Variants in NALF1 observed in about 807,000 individuals in gnomAD.
NALF1 encodes the protein NALCN channel auxiliary factor 1.
A neutral mutation model predicts 48.4 loss-of-function variants in NALF1; 3 were observed. The ratio of observed to expected loss-of-function variants is 0.06; its 90% confidence interval spans 0.03 to 0.16. The LOEUF (loss-of-function observed/expected upper bound fraction) is 0.16. Among genes scored for constraint, NALF1 ranks in the 10% least tolerant of loss-of-function variants. NALF1 has a pLI of 1.00. For synonymous variants in NALF1, 262 were observed against 245.7 expected (o/e 1.07, Z -0.62); for missense variants, 526 against 571.5 (o/e 0.92, Z 0.81).
At chr13:107,833,712 G>C (rs1049638021) in intron 1 of NALF1, among the ~76,000 whole-genome samples, 1 of 152,044 alleles carries the variant, frequency 6.6e-6, no homozygotes, top group Non-Finnish European at 1.5e-5. Flanking sequence ...TTAAAATGTT[G>C]AAAGAAAGGA....
chr13:107,559,335 C>T (rs1006044901), intron 1 of NALF1, among the ~76,000 whole-genome samples: 4 of 151,106 alleles, frequency 2.6e-5, no homozygotes, highest in African/African-American at 9.8e-5. Context: ...ACAATAACAA[C>T]AACAAAACAA....
intron 1 of NALF1, among the ~76,000 whole-genome samples, chr13:107,689,930 G>T (rs1881528335): frequency 6.6e-6 from 1 of 152,106 alleles, no homozygotes; most frequent in Non-Finnish European, 1.5e-5. Context: ...AGCTTAACTT[G>T]CACCTTTTTT....
chr13:107,731,406 A>G (rs913047451), intron 1 of NALF1, among the ~76,000 whole-genome samples: 13 of 152,196 alleles, frequency 8.5e-5, no homozygotes, highest in African/African-American at 2.6e-4. Flanking sequence ...TTATTTTTTA[A>G]CTTTTATTTT....
At chr13:107,725,085 G>A (rs552786914) in intron 1 of NALF1, among the ~76,000 whole-genome samples, 1 of 152,148 alleles carries the variant, frequency 6.6e-6, no homozygotes, top group African/African-American at 2.4e-5. Context: ...AAATACAATT[G>A]ACCGTTGTTT....
intron 1 of NALF1, among the ~76,000 whole-genome samples, chr13:107,311,737 C>G (rs1328306803): frequency 6.6e-6 from 1 of 151,954 alleles, no homozygotes; most frequent in African/African-American, 2.4e-5. Flanking sequence ...AAAAAACAAA[C>G]AACCCCATCA....
chr13:107,796,991 C>T (rs533595614), intron 1 of NALF1, among the ~76,000 whole-genome samples: 92 of 152,252 alleles, frequency 6.0e-4, no homozygotes, highest in African/African-American at 2.0e-3. Flanking sequence ...GCCATTTCCA[C>T]AAATGCATGC....
chr13:107,708,120 G>A (rs1458527759), intron 1 of NALF1, among the ~76,000 whole-genome samples: 3 of 151,924 alleles, frequency 2.0e-5, no homozygotes, highest in African/African-American at 7.3e-5. Context: ...GTAAAAGCAG[G>A]GACCTTTGAA....
chr13:107,520,592 A>G (rs1430835066), intron 1 of NALF1, among the ~76,000 whole-genome samples: 4 of 152,218 alleles, frequency 2.6e-5, no homozygotes, highest in African/African-American at 9.6e-5. Flanking sequence ...CACCCAAATA[A>G]GCTTTCTACA....
At chr13:107,528,253 T>C (rs1457535409) in intron 1 of NALF1, among the ~76,000 whole-genome samples, 1 of 152,088 alleles carries the variant, frequency 6.6e-6, no homozygotes, top group Non-Finnish European at 1.5e-5. Context: ...ATGGGGCCAA[T>C]ATGTTCATGT....
intron 1 of NALF1, among the ~76,000 whole-genome samples, chr13:107,316,987 T>C (rs991311717): frequency 5.3e-5 from 8 of 152,074 alleles, no homozygotes; most frequent in African/African-American, 1.9e-4. Context: ...CTTTAAAAGA[T>C]TTTTAGAAAT....
chr13:107,593,488 T>A (rs905427299), intron 1 of NALF1, among the ~76,000 whole-genome samples: 6 of 151,920 alleles, frequency 3.9e-5, no homozygotes, highest in Non-Finnish European at 8.8e-5. Context: ...CCAGAAGAAA[T>A]AAGCAAGTTT....
Position 107,781,744 on chromosome 13 carries a change from G to A in NALF1, c.915+83938C>T, listed in dbSNP as rs746239375. ...TTTGAGTCAGATGTCACTGCTATAC[G>A]CCTCTAAAAGCTCTATTCTTTGACG... On this transcript the variant is annotated intron_variant, in intron 1 of 2. Transcript: ENST00000375915. Among the ~76,000 whole-genome samples, 115 of 151,284 alleles carry A rather than the reference G, an allele frequency of 7.6e-4. 1 individual carries two copies. The highest frequency in any genetic ancestry group is 1.3e-3 in the Non-Finnish European group (90 of 67,948).
At chr13:107,845,378 A>G (rs1880144187) in intron 1 of NALF1, among the ~76,000 whole-genome samples, 1 of 152,148 alleles carries the variant, frequency 6.6e-6, no homozygotes, top group African/African-American at 2.4e-5. Flanking sequence ...CTGTGGAATG[A>G]GTCTACCTGA....
At chr13:107,425,166 C>G (rs1255984059) in intron 1 of NALF1, among the ~76,000 whole-genome samples, 1 of 152,142 alleles carries the variant, frequency 6.6e-6, no homozygotes. Context: ...GAAAAGAATC[C>G]TCCCTCGCCA....
chr13:107,257,879 A>G (rs1305482471), intron 1 of NALF1, among the ~76,000 whole-genome samples: 1 of 152,194 alleles, frequency 6.6e-6, no homozygotes, highest in Non-Finnish European at 1.5e-5. Context: ...GAGTAGAATA[A>G]GAGGGAGAAT....
At chr13:107,557,276 C>A (rs528857583) in intron 1 of NALF1, among the ~76,000 whole-genome samples, 2 of 152,266 alleles carry the variant, frequency 1.3e-5, no homozygotes, top group African/African-American at 4.8e-5. Flanking sequence ...TGCAAACAAA[C>A]AAGCACAGTC....
intron 1 of NALF1, among the ~76,000 whole-genome samples, chr13:107,519,529 G>C (rs1876169482): frequency 6.6e-6 from 1 of 152,130 alleles, no homozygotes; most frequent in Admixed American, 6.5e-5. Flanking sequence ...CTCAGTCCAT[G>C]GTTTATCCAG....
At chr13:107,182,993 G>C (rs981879210) in intron 2 of NALF1, among the ~76,000 whole-genome samples, 3 of 152,186 alleles carry the variant, frequency 2.0e-5, no homozygotes, top group African/African-American at 7.2e-5. Context: ...GCTCCAACAT[G>C]AAGAGCAAAA....
intron 1 of NALF1, among the ~76,000 whole-genome samples, chr13:107,577,310 G>C (rs1040107947): frequency 6.6e-5 from 10 of 152,160 alleles, no homozygotes; most frequent in African/African-American, 2.4e-4. Context: ...TTCAAGCAAG[G>C]TATATGCAAA....
Sources: allele counts gnomAD v4.1 joint callset (sites outside exome capture counted in the v4.1 genomes callset), GRCh38; gene constraint gnomAD v4.1.1; transcripts MANE v1.5; gene names NCBI Gene and HGNC (gene_info 2026-07-23, HGNC 2026-07-21).